The following NEBL variants were observed in gnomAD, a reference collection of about 807,000 sequenced individuals.
NEBL encodes LIM and SH3 protein 2.
A neutral mutation model predicts 140.2 loss-of-function variants in NEBL; 122 were observed. The ratio of observed to expected loss-of-function variants is 0.87; its 90% confidence interval spans 0.75 to 1.01. NEBL has a LOEUF of 1.01. Ranked by LOEUF, NEBL falls within the 50% of genes least tolerant of loss-of-function variation. NEBL has a pLI of 0.00. For missense variants in NEBL, 1,365 were observed against 1,231.3 expected (o/e 1.11, Z -1.62); for synonymous variants, 436 against 398.9 (o/e 1.09, Z -1.11).
intron 2 of NEBL, among the ~76,000 whole-genome samples, chr10:21,139,868 G>A (rs1032406284): frequency 1.3e-5 from 2 of 151,876 alleles, no homozygotes; most frequent in Non-Finnish European, 2.9e-5. Context: ...TATGGAACAT[G>A]GTCAGGCACT....
In NEBL at chr10:21,173,412, C is replaced by T. The variant is rs557202667; in HGVS notation, c.69+353G>A. On this transcript the variant is annotated intron_variant, in intron 1 of 6. Coordinates refer to the NEBL transcript ENST00000417816. This position sits in a 1 kb window ranked among gnomAD's most constrained non-coding sequence, Gnocchi z 5.7. ...GGCGGGGGGCGGGGGTATTGTGGAACACGAGTGGAGGTGGAGGGGGCGCGG... is the reference window on the plus strand; with the variant it reads ...GGCGGGGGGCGGGGGTATTGTGGAATACGAGTGGAGGTGGAGGGGGCGCGG... Among the ~76,000 whole-genome samples the T allele has an allele frequency of 0.014, 2,066 of 151,870 alleles. 27 individuals carry two copies. Among genetic ancestry groups the T allele is most frequent in the Non-Finnish European group, 0.019 (1,286 of 67,882 alleles).
At position 21,056,057 on chromosome 10, in the gene NEBL, T is replaced by C. The variant is rs185936807; in HGVS notation, c.165-35856A>G. 1.6e-4 allele frequency among the ~76,000 whole-genome samples: 24 copies of C among 152,224 alleles called. No individual in the cohort carries two copies. In the East Asian group the frequency reaches 4.6e-3, roughly 29 times the overall value. ...GCCTTAACATTAGAGTAGAGTGAAA[T>C]AGAAAGAGCAACTAGTACTTGCTGA... On this transcript the variant is annotated intron_variant, in intron 2 of 6. Coordinates refer to the NEBL transcript ENST00000417816.
At chr10:21,125,786 G>A (rs1383541777) in intron 2 of NEBL, 1 of 1,454,296 alleles carries the variant, frequency 6.9e-7, no homozygotes, top group African/African-American at 1.4e-5. Flanking sequence ...AAATTTTATT[G>A]TATATGGTAT....
intron 13 of NEBL, among the ~76,000 whole-genome samples, chr10:20,838,971 C>T (rs550395179): frequency 1.3e-5 from 2 of 152,206 alleles, no homozygotes; most frequent in South Asian, 2.1e-4. Context: ...AAAGTTCATG[C>T]GAATCACTTT....
chr10:21,148,303 C>T (rs575671550), intron 2 of NEBL, among the ~76,000 whole-genome samples: 91 of 152,292 alleles, frequency 6.0e-4, no homozygotes, highest in Admixed American at 1.5e-3. Context: ...ACTCCCAGGA[C>T]GCTTGTTATT....
At position 20,852,663 on chromosome 10, in the gene NEBL, T is replaced by C. The variant is rs759071166; in HGVS notation, c.904-14A>G. 6.4e-7 allele frequency: 1 copy of C among 1,569,432 alleles called. No homozygotes were observed. Among genetic ancestry groups the C allele is most frequent in the South Asian group, 1.1e-5 (1 of 90,020 alleles). ...TTTATATTCTCGCTAAAATACAGAA[T>C]GGGGAAATCAACTTAGAATCAAAGA... On this transcript the variant is annotated splice_polypyrimidine_tract_variant and intron_variant, in intron 9 of 27. Coordinates refer to ENST00000377122, the MANE Select transcript of NEBL (RefSeq NM_006393.3).
At position 21,173,647 on chromosome 10, in the gene NEBL, GGCACAC is replaced by G; in HGVS notation, c.69+112_69+117del. 6.5e-7 allele frequency: 1 copy of G among 1,538,832 alleles called. No individual in the cohort carries two copies. Among genetic ancestry groups the G allele is most frequent in the Non-Finnish European group, 8.8e-7 (1 of 1,129,980 alleles). On this transcript the variant is annotated intron_variant, in intron 1 of 6. Coordinates refer to the NEBL transcript ENST00000417816. The surrounding 1 kb of genome is among the most constrained non-coding windows in gnomAD (Gnocchi z 5.7). ...TTCGCGCGCCCTCCCCCCGTGCCAAGGCACACGCACACGCACCGACCCACTCATTGC... is the reference window on the plus strand; with the variant it reads ...TTCGCGCGCCCTCCCCCCGTGCCAAGGCACACGCACCGACCCACTCATTGC...
At chr10:21,208,765 A>C (rs10828211) in intron 3 of NEBL, among the ~76,000 whole-genome samples, 2 of 151,934 alleles carry the variant, frequency 1.3e-5, no homozygotes, top group Non-Finnish European at 2.9e-5. Flanking sequence ...CCCACATTCC[A>C]TGGGCTGGAA....
intron 4 of NEBL, among the ~76,000 whole-genome samples, chr10:20,923,544 T>G (rs2131508204): frequency 6.6e-6 from 1 of 151,222 alleles, no homozygotes; most frequent in South Asian, 2.1e-4. Flanking sequence ...CCGGGCATAG[T>G]GGCACAAGCC....
chr10:20,900,535 G>A (rs753091923), upstream of NEBL, among the ~76,000 whole-genome samples: 4 of 151,482 alleles, frequency 2.6e-5, no homozygotes, highest in Admixed American at 6.6e-5. Flanking sequence ...AAAATTAGCC[G>A]GGCATGGGCT....
At chr10:20,937,393 G>A (rs1009297223) in intron 4 of NEBL, among the ~76,000 whole-genome samples, 29 of 152,128 alleles carry the variant, frequency 1.9e-4, no homozygotes, top group African/African-American at 6.8e-4. Context: ...GAGAAAACAG[G>A]CATAGTGATT....
intron 3 of NEBL, among the ~76,000 whole-genome samples, chr10:20,991,092 C>T (rs1589114663): frequency 6.6e-6 from 1 of 152,146 alleles, no homozygotes; most frequent in Non-Finnish European, 1.5e-5. Context: ...ATAAACAAAA[C>T]CTATAGAGAA....
chr10:20,849,298 T>G (rs1047388481), intron 11 of NEBL, among the ~76,000 whole-genome samples: 13 of 152,114 alleles, frequency 8.5e-5, no homozygotes, highest in African/African-American at 2.7e-4. Flanking sequence ...AGCATAATCT[T>G]AGGTTGAGAA....
Position 21,194,219 on chromosome 10 carries a change from C to T in NEBL, n.349-21742G>A, listed in dbSNP as rs117786719. Reference sequence around the variant, plus strand: ...ACTTCTGGCCCCAAGTGATACTTCCCCCTCAGCTTCCCAAAGTACTGGGAT... The same window carrying T: ...ACTTCTGGCCCCAAGTGATACTTCCTCCTCAGCTTCCCAAAGTACTGGGAT... On this transcript the variant is annotated intron_variant and non_coding_transcript_variant, in intron 3 of 8. Coordinates refer to the NEBL transcript ENST00000675702. Among the ~76,000 whole-genome samples, 1,120 of 152,136 alleles carry T rather than the reference C, an allele frequency of 7.4e-3. 3 individuals are homozygous for T. Among genetic ancestry groups the T allele is most frequent in the Non-Finnish European group, 9.3e-3 (631 of 68,000 alleles).
chr10:20,994,673 C>T (rs951884734), intron 3 of NEBL, among the ~76,000 whole-genome samples: 32 of 152,274 alleles, frequency 2.1e-4, no homozygotes, highest in Admixed American at 7.8e-4. Context: ...GGAAGCTTTA[C>T]TGATAACATA....
chr10:21,238,435 C>T (rs1842389832), intron 3 of NEBL, among the ~76,000 whole-genome samples: 1 of 151,946 alleles, frequency 6.6e-6, no homozygotes, highest in Non-Finnish European at 1.5e-5. Context: ...CCCGGTGGCT[C>T]ACGCCTGTAA....
At chr10:20,913,040 G>A (rs1848396035) in intron 4 of NEBL, among the ~76,000 whole-genome samples, 1 of 151,934 alleles carries the variant, frequency 6.6e-6, no homozygotes, top group South Asian at 2.1e-4. Context: ...CATATTACAG[G>A]CATGAGCCAC....
At chr10:21,131,516 TAAAC>T (rs1038019770) in intron 2 of NEBL, among the ~76,000 whole-genome samples, 38 of 151,898 alleles carry the variant, frequency 2.5e-4, no homozygotes, top group Middle Eastern at 6.8e-3. Flanking sequence ...AATAAATAAA[TAAAC>T]AAACAGAAGT....
chr10:21,232,998 T>C (rs1413046840), intron 3 of NEBL, among the ~76,000 whole-genome samples: 1 of 152,180 alleles, frequency 6.6e-6, no homozygotes, highest in East Asian at 1.9e-4. Flanking sequence ...TGCTGAGCAA[T>C]TGAAGATGAG....
Sources: allele counts gnomAD v4.1 joint callset (sites outside exome capture counted in the v4.1 genomes callset), GRCh38; gene constraint gnomAD v4.1.1; non-coding constraint Gnocchi (gnomAD v3.1); transcripts MANE v1.5; gene names NCBI Gene and HGNC (gene_info 2026-07-23, HGNC 2026-07-21).